The following PGM2 variants were observed in gnomAD, a reference collection of about 807,000 sequenced individuals.
The protein encoded by PGM2 is phosphopentomutase.
Under a neutral mutation model 74.6 loss-of-function variants are expected in PGM2, and 57 were observed. That is an observed-to-expected ratio of 0.76 (90% CI 0.62 to 0.95). The LOEUF (loss-of-function observed/expected upper bound fraction) is 0.95. PGM2 is among the 40% of genes least tolerant of loss of function. The pLI, the probability that PGM2 is intolerant of heterozygous loss-of-function variation, is 0.00. For synonymous variants in PGM2, 273 were observed against 260.7 expected (o/e 1.05, Z -0.46); for missense variants, 706 against 741.9 (o/e 0.95, Z 0.56).
intron 13 of PGM2, 36 bp downstream of exon 13, chr4:37,855,777 C>T: frequency 6.4e-7 from 1 of 1,550,412 alleles, no homozygotes; most frequent in Non-Finnish European, 8.7e-7. Flanking sequence ...GATTTTTACT[C>T]CCCAGACTTC....
chr4:37,840,916 T>A (rs2553290), intron 6 of PGM2, among the ~76,000 whole-genome samples: 50,570 of 150,654 alleles, frequency 0.34, 11,201 homozygotes, highest in African/African-American at 0.63. Context: ...ATTCCATACA[T>A]GTATGTGATT....
At chr4:37,848,903 C>T (rs969122666) in intron 11 of PGM2, among the ~76,000 whole-genome samples, 1 of 151,958 alleles carries the variant, frequency 6.6e-6, no homozygotes, top group Admixed American at 6.6e-5. Context: ...AACCCCGTCT[C>T]CACTAAACAT....
chr4:37,851,639 C>T (rs1341124478), intron 12 of PGM2, among the ~76,000 whole-genome samples: 2 of 152,134 alleles, frequency 1.3e-5, no homozygotes, highest in African/African-American at 2.4e-5. Context: ...ACGTGGCAGT[C>T]CCACCCCTGC....
chr4:37,844,356 G>T lies in PGM2; in HGVS notation c.720-8G>T. On this transcript the variant is annotated splice_polypyrimidine_tract_variant and splice_region_variant and intron_variant, in intron 6 of 13. Coordinates refer to ENST00000381967, the MANE Select transcript of PGM2 (RefSeq NM_018290.4). ...TTGTATCATTTTCCACTGTGTATCTGATTCTAGGAGCGTGAACAGGGAGAC... is the reference window on the plus strand; with the variant it reads ...TTGTATCATTTTCCACTGTGTATCTTATTCTAGGAGCGTGAACAGGGAGAC... The T allele has an allele frequency of 6.3e-7, 1 of 1,590,648 alleles. No individual in the cohort carries two copies. Among genetic ancestry groups the T allele is most frequent in the South Asian group, 1.1e-5 (1 of 88,284 alleles).
chr4:37,835,023 C>T (rs891038482), intron 3 of PGM2, among the ~76,000 whole-genome samples: 15 of 152,138 alleles, frequency 9.9e-5, no homozygotes, highest in Non-Finnish European at 2.9e-5. Flanking sequence ...CCCTGCTATT[C>T]ATAAACCTCA....
intron 8 of PGM2, among the ~76,000 whole-genome samples, chr4:37,846,526 C>G (rs2152178746): frequency 6.6e-6 from 1 of 152,314 alleles, no homozygotes; most frequent in South Asian, 2.1e-4. Context: ...GAGCTGTCCC[C>G]TCTCAGAATC....
Position 37,848,627 on chromosome 4 carries a change from AGC to A in PGM2, c.1389_1390del (p.Gln464ThrfsTer14), listed in dbSNP as rs766251066. The A allele has an allele frequency of 6.2e-7, 1 of 1,613,770 alleles. No individual in the cohort carries two copies. The highest frequency in any genetic ancestry group is 8.5e-7 in the Non-Finnish European group (1 of 1,179,638). ...GCAACCAAGAATTTGTCTTTGTCTC[AGC>A]AACTAAAGGCCATTTATGTGGAGTA... On this transcript the variant is annotated frameshift_variant, in exon 11 of 14. Transcript: ENST00000381967. LOFTEE classifies it high-confidence loss of function.
Position 37,829,872 on chromosome 4 carries a change from A to ATTT in PGM2, c.82-90_82-88dup. 3 of 470,338 alleles carry ATTT rather than the reference A, an allele frequency of 6.4e-6. No homozygotes were observed. The East Asian group carries it at 1.2e-4, about 19-fold the overall frequency. 29.1% of individuals were successfully genotyped at this position (470,338 alleles called of 1,614,324 possible). A position where few individuals can be genotyped will look rare whatever the true frequency, so the allele number is the denominator to read the frequency against. ...CATATATATATATACATATATATATATTTTCTATAGATTAGAATGATTGTG... is the reference window on the plus strand; with the variant it reads ...CATATATATATATACATATATATATATTTTTTTCTATAGATTAGAATGATTGTG... On this transcript the variant is annotated intron_variant, in intron 1 of 13. Transcript: ENST00000381967.
At chr4:37,852,127 C>T (rs1726058238) in intron 12 of PGM2, among the ~76,000 whole-genome samples, 1 of 143,582 alleles carries the variant, frequency 7.0e-6, no homozygotes. Context: ...GCCATCATGC[C>T]CAGCTCTTTT....
chr4:37,852,561 A>C (rs4832960), intron 12 of PGM2, among the ~76,000 whole-genome samples: 1 of 151,944 alleles, frequency 6.6e-6, no homozygotes, highest in Non-Finnish European at 1.5e-5. Context: ...GTGGCATTTA[A>C]GTCCGAAAAT....
At chr4:37,854,416 T>C (rs1215536180) in intron 12 of PGM2, among the ~76,000 whole-genome samples, 5 of 152,138 alleles carry the variant, frequency 3.3e-5, no homozygotes, top group Non-Finnish European at 7.4e-5. Flanking sequence ...AGTGGCGCAA[T>C]CTCGGCTCAC....
rs776487930 is a variant in PGM2, at chr4:37,855,774, A to G, written c.1736+33A>G. 1.0e-5 allele frequency: 16 copies of G among 1,555,194 alleles called. No individual in the cohort carries two copies. The East Asian group carries it at 3.1e-4, about 30-fold the overall frequency. ...GTGGATGGCAGCTGGTGTGATTTTT[A>G]CTCCCCAGACTTCCTAACTGGTTCT... is the stretch of plus-strand genomic sequence containing the variant. On this transcript the variant is annotated intron_variant, in intron 13 of 13. Transcript: ENST00000381967.
At chr4:37,855,313 C>G (rs1283790626) in intron 12 of PGM2, among the ~76,000 whole-genome samples, 1 of 152,166 alleles carries the variant, frequency 6.6e-6, no homozygotes, top group Non-Finnish European at 1.5e-5. Context: ...CTTTCTATGC[C>G]TGGCTTATTT....
At chr4:37,859,166 AT>A (rs761346353) in intron 13 of PGM2, among the ~76,000 whole-genome samples, 26 of 152,188 alleles carry the variant, frequency 1.7e-4, no homozygotes, top group East Asian at 9.6e-4. Context: ...TGTATTTGAG[AT>A]TTTTCTGTAC....
Position 37,847,279 on chromosome 4 carries a change from A to C in PGM2, c.1266A>C (p.Ala422=). 6.2e-7 allele frequency: 1 copy of C among 1,611,960 alleles called. No homozygotes were observed. The highest frequency in any genetic ancestry group is 8.5e-7 in the Non-Finnish European group (1 of 1,178,066). ...ACCAGGGGAAAACTGTTTTATTTGC[A>C]TTTGAAGAAGCTATTGGTAAGAAGT... ...LIDQGKTVLF[A]FEEAIGYMCC... The change falls in exon 10 of 14, where the codon GCA becomes GCC. Residue 422 remains alanine, a synonymous_variant. Transcript: ENST00000381967.
chr4:37,860,141 T>C (rs1711718329), intron 13 of PGM2, among the ~76,000 whole-genome samples: 1 of 152,208 alleles, frequency 6.6e-6, no homozygotes, highest in Non-Finnish European at 1.5e-5. Context: ...ATTTGAATAA[T>C]AAATTAGTAA....
At chr4:37,855,381 T>G (rs995104303) in intron 12 of PGM2, among the ~76,000 whole-genome samples, 4 of 152,246 alleles carry the variant, frequency 2.6e-5, no homozygotes, top group Admixed American at 2.0e-4. Context: ...AGGATTTCCT[T>G]CTCTTTTAAG....
chr4:37,827,605 G>C (rs1725330498), intron 1 of PGM2, among the ~76,000 whole-genome samples: 1 of 152,062 alleles, frequency 6.6e-6, no homozygotes. Context: ...TAGAGAGTCA[G>C]TCCTTCCTTG....
intron 4 of PGM2, chr4:37,839,431 A>C: frequency 2.5e-6 from 1 of 392,476 alleles, no homozygotes; most frequent in Non-Finnish European, 5.0e-6. Context: ...TGTTTTCCTC[A>C]ATGTTTTCCT....
Sources: gnomAD v4.1 joint callset for allele counts (sites outside exome capture counted in the v4.1 genomes callset) on GRCh38, gnomAD v4.1.1 for gene constraint, MANE v1.5 for transcripts, NCBI Gene and HGNC (gene_info 2026-07-23, HGNC 2026-07-21) for gene names.